Variants in DCAF8L2 observed in about 807,000 individuals in gnomAD.
DCAF8L2 encodes the protein DDB1 and CUL4 associated factor 8 like 2, also known as DDB1- and CUL4-associated factor 8-like protein 2.
For missense variants in DCAF8L2, 430 were observed against 490.7 expected (o/e 0.88, Z 1.17); for synonymous variants, 200 against 190.9 (o/e 1.05, Z -0.39).
intron 3 of DCAF8L2, among the ~76,000 whole-genome samples, chrX:27,710,110 T>C (rs1029459720): frequency 9.0e-6 from 1 of 111,513 alleles, no homozygotes; most frequent in Non-Finnish European, 1.9e-5. Context: ...TTCCCAGTGA[T>C]TTTCTATCCA....
the DCAF8L2 span, among the ~76,000 whole-genome samples, chrX:27,488,718 A>C: frequency 9.0e-6 from 1 of 111,452 alleles, no homozygotes; most frequent in African/African-American, 3.3e-5. Context: ...GTGCAGTGGC[A>C]TGATTACAGC....
chrX:27,528,493 T>TAC, the DCAF8L2 span, among the ~76,000 whole-genome samples: 2 of 102,749 alleles, frequency 1.9e-5, no homozygotes, highest in Non-Finnish European at 3.9e-5. Flanking sequence ...TATATATATA[T>TAC]ATATATATAC....
At chrX:27,491,979 G>A in the DCAF8L2 span, among the ~76,000 whole-genome samples, 1 of 112,027 alleles carries the variant, frequency 8.9e-6, no homozygotes, top group Admixed American at 9.5e-5. Context: ...TATTTCTGTA[G>A]TATGCAGAGT....
At chrX:27,509,350 A>G in the DCAF8L2 span, among the ~76,000 whole-genome samples, 1 of 111,615 alleles carries the variant, frequency 9.0e-6, no homozygotes, top group African/African-American at 3.2e-5. Context: ...CTTTGTATCC[A>G]TGAGTTATTT....
At chrX:27,571,545 T>C in the DCAF8L2 span, among the ~76,000 whole-genome samples, 1 of 112,000 alleles carries the variant, frequency 8.9e-6, no homozygotes, top group East Asian at 2.8e-4. Flanking sequence ...AAGCAACTTT[T>C]ACCAAAGAGA....
At chrX:27,528,500 A>ATG in the DCAF8L2 span, among the ~76,000 whole-genome samples, 1 of 102,582 alleles carries the variant, frequency 9.7e-6, no homozygotes, top group African/African-American at 3.6e-5. Flanking sequence ...ATATATATAT[A>ATG]TACACACACA....
At chrX:27,601,919 T>A (rs758741510) in intron 1 of DCAF8L2, among the ~76,000 whole-genome samples, 1 of 111,377 alleles carries the variant, frequency 9.0e-6, no homozygotes, top group Admixed American at 9.6e-5. Context: ...AAACTGCAGT[T>A]CAGGAAGGGA....
At chrX:27,636,967 C>T (rs533651504) in intron 2 of DCAF8L2, among the ~76,000 whole-genome samples, 4 of 111,258 alleles carry the variant, frequency 3.6e-5, no homozygotes, top group African/African-American at 1.3e-4. Flanking sequence ...CACTAGGAGA[C>T]GAGAAGAGGA....
upstream of DCAF8L2, among the ~76,000 whole-genome samples, chrX:27,589,896 C>A (rs1312090227): frequency 1.8e-5 from 2 of 111,636 alleles, no homozygotes; most frequent in African/African-American, 6.5e-5. Context: ...ATGATATTAC[C>A]ATATCTACCA....
intron 2 of DCAF8L2, among the ~76,000 whole-genome samples, chrX:27,667,805 T>A (rs755843411): frequency 1.1e-4 from 12 of 112,580 alleles, no homozygotes; most frequent in Non-Finnish European, 2.1e-4. Context: ...TTTTCTTGAA[T>A]AATCATTACC....
intron 4 of DCAF8L2, among the ~76,000 whole-genome samples, chrX:27,719,220 G>C (rs1931804303): frequency 9.0e-6 from 1 of 110,819 alleles, no homozygotes; most frequent in Admixed American, 9.6e-5. Context: ...TCCAAACCTA[G>C]TGTTTTCCAT....
the DCAF8L2 span, chrX:27,519,209 G>A: frequency 5.6e-6 from 6 of 1,076,535 alleles, no homozygotes; most frequent in East Asian, 1.8e-4. Context: ...GAACGTCTAA[G>A]ACAGATTGAA....
chrX:27,692,287 A>T (rs141865848), intron 3 of DCAF8L2, among the ~76,000 whole-genome samples: 1,489 of 111,755 alleles, frequency 0.013, 32 homozygotes, highest in African/African-American at 0.046. Context: ...GTGAATGTCA[A>T]GGGAAAAATA....
the DCAF8L2 span, among the ~76,000 whole-genome samples, chrX:27,510,966 G>A: frequency 1.8e-5 from 2 of 111,023 alleles, no homozygotes; most frequent in Middle Eastern, 4.7e-3. Flanking sequence ...TCCTTAAGTT[G>A]ATTTTCCTTA....
chrX:27,604,767 C>A (rs1391537914), intron 1 of DCAF8L2, among the ~76,000 whole-genome samples: 4 of 111,545 alleles, frequency 3.6e-5, no homozygotes, highest in African/African-American at 1.3e-4. Flanking sequence ...AGTATTCATT[C>A]CAGCATATTA....
At chrX:27,508,216 A>T in the DCAF8L2 span, among the ~76,000 whole-genome samples, 1 of 111,887 alleles carries the variant, frequency 8.9e-6, no homozygotes, top group Non-Finnish European at 1.9e-5. Flanking sequence ...AACAATTTTG[A>T]TCTATTCACT....
intron 2 of DCAF8L2, among the ~76,000 whole-genome samples, chrX:27,634,115 A>T (rs1393238566): frequency 8.9e-6 from 1 of 111,910 alleles, no homozygotes. Flanking sequence ...TCCATTCCAC[A>T]TATTATATGC....
chrX:27,628,830 C>G (rs2147168006), intron 1 of DCAF8L2, among the ~76,000 whole-genome samples: 1 of 110,676 alleles, frequency 9.0e-6, no homozygotes, highest in Non-Finnish European at 1.9e-5. Context: ...GTCTCGATCT[C>G]CTGACCTCTT....
At chrX:27,493,232 C>G in the DCAF8L2 span, among the ~76,000 whole-genome samples, 1 of 110,993 alleles carries the variant, frequency 9.0e-6, no homozygotes, top group Non-Finnish European at 1.9e-5. Flanking sequence ...CACAGCAAGA[C>G]CCTGTCTAAA....
Sources: gnomAD v4.1 joint callset for allele counts (sites outside exome capture counted in the v4.1 genomes callset) on GRCh38, gnomAD v4.1.1 for gene constraint, MANE v1.5 for transcripts, NCBI Gene and HGNC (gene_info 2026-07-23, HGNC 2026-07-21) for gene names.